The following SLC24A2 variants were observed in gnomAD, a reference collection of about 807,000 sequenced individuals.
The protein encoded by SLC24A2 is sodium/potassium/calcium exchanger 2.
A neutral mutation model predicts 62.0 loss-of-function variants in SLC24A2; 36 were observed. The observed-to-expected ratio is 0.58, with a 90% CI of 0.44 to 0.77. The LOEUF (loss-of-function observed/expected upper bound fraction) is 0.77. Among genes scored for constraint, SLC24A2 ranks in the 30% least tolerant of loss-of-function variants. The probability of loss-of-function intolerance (pLI) is 0.00; values close to 1 mark genes in which losing one functional copy is unlikely to be tolerated. For missense variants in SLC24A2, 846 were observed against 817.9 expected, an observed-to-expected ratio of 1.03 and a Z score of -0.42; for synonymous variants, 358 against 294.0, an observed-to-expected ratio of 1.22 and a Z score of -2.23.
rs190262846 is a variant in SLC24A2 at position 19,629,698 on chromosome 9, C to T, written c.931-7399G>A. Among the ~76,000 whole-genome samples, 54 of 152,302 alleles carry T rather than the reference C, an allele frequency of 3.5e-4. 1 individual carries two copies. The highest frequency in any genetic ancestry group is 1.0e-3 in the African/African-American group (43 of 41,570). Reference sequence around the variant, plus strand: ...GCCCCCCTGGTGGTCCCAGTTATCACTGCGGTCATGAGACATTCTATATTT... The same window carrying T: ...GCCCCCCTGGTGGTCCCAGTTATCATTGCGGTCATGAGACATTCTATATTT... On this transcript the variant is annotated intron_variant, in intron 2 of 10. Coordinates refer to ENST00000341998, the MANE Select transcript of SLC24A2 (RefSeq NM_020344.4).
In SLC24A2 at chr9:19,731,518, T is replaced by TCTCTCC. The variant is rs1554707795; in HGVS notation, c.930+54418_930+54419insGGAGAG. ...TTGTTTCTCTCTCTCTCTCTCTCCG[T>TCTCTCC]GTGTGTGTGTGTGTGTGTGTGTGTG... is the stretch of plus-strand genomic sequence containing the variant. On this transcript the variant is annotated intron_variant, in intron 2 of 10. Coordinates refer to ENST00000341998, the MANE Select transcript of SLC24A2 (RefSeq NM_020344.4). 3.4e-4 allele frequency among the ~76,000 whole-genome samples: 35 copies of TCTCTCC among 102,572 alleles called. No individual in the cohort carries two copies. The South Asian group carries it at 3.5e-3, about 10-fold the overall frequency. 67.3% of individuals were successfully genotyped at this position (102,572 alleles called of 152,430 possible). A position where few individuals can be genotyped will look rare whatever the true frequency, so the allele number is the denominator to read the frequency against.
intron 4 of SLC24A2, among the ~76,000 whole-genome samples, chr9:19,613,381 A>G (rs1817678207): frequency 1.3e-5 from 2 of 152,220 alleles, no homozygotes; most frequent in African/African-American, 4.8e-5. Flanking sequence ...AAGCAGTTCA[A>G]GACCACGCAT....
the SLC24A2 span, among the ~76,000 whole-genome samples, chr9:20,302,221 T>G: frequency 6.6e-6 from 1 of 152,218 alleles, no homozygotes; most frequent in Admixed American, 6.5e-5. Context: ...TGTACAATTT[T>G]CAGCTCCTTT....
the SLC24A2 span, among the ~76,000 whole-genome samples, chr9:19,807,342 C>T: frequency 6.6e-6 from 1 of 152,212 alleles, no homozygotes; most frequent in East Asian, 1.9e-4. Context: ...ATCTTCTAGC[C>T]TTTTCTGTTA....
chr9:20,100,659 A>G, the SLC24A2 span, among the ~76,000 whole-genome samples: 1 of 152,232 alleles, frequency 6.6e-6, no homozygotes, highest in African/African-American at 2.4e-5. Flanking sequence ...ATTCATTAAT[A>G]AATTTTGAAT....
the SLC24A2 span, among the ~76,000 whole-genome samples, chr9:20,027,331 C>T: frequency 6.6e-6 from 1 of 152,076 alleles, no homozygotes; most frequent in African/African-American, 2.4e-5. Flanking sequence ...ATCACTACGT[C>T]AAAAAGATAT....
the SLC24A2 span, among the ~76,000 whole-genome samples, chr9:20,290,436 C>T: frequency 1.3e-5 from 2 of 152,358 alleles, no homozygotes; most frequent in Admixed American, 1.3e-4. Context: ...CTCCCTTGCC[C>T]CTCTTCAGGC....
At chr9:19,990,071 A>G in the SLC24A2 span, among the ~76,000 whole-genome samples, 2 of 152,214 alleles carry the variant, frequency 1.3e-5, no homozygotes, top group African/African-American at 4.8e-5. Flanking sequence ...AAGAATGACT[A>G]AAATTATAAA....
the SLC24A2 span, among the ~76,000 whole-genome samples, chr9:20,043,528 G>C: frequency 1.3e-5 from 2 of 152,172 alleles, no homozygotes; most frequent in African/African-American, 4.8e-5. Flanking sequence ...TTCATACCAG[G>C]AGATCAAAAC....
chr9:20,304,246 T>G, the SLC24A2 span, among the ~76,000 whole-genome samples: 1 of 152,100 alleles, frequency 6.6e-6, no homozygotes, highest in East Asian at 1.9e-4. Flanking sequence ...TGTCCCTCAC[T>G]GCCAACCCAC....
the SLC24A2 span, among the ~76,000 whole-genome samples, chr9:19,904,572 T>C: frequency 6.6e-6 from 1 of 152,236 alleles, no homozygotes; most frequent in Non-Finnish European, 1.5e-5. Context: ...CTATAAGACC[T>C]GCCATAAAAT....
the SLC24A2 span, among the ~76,000 whole-genome samples, chr9:20,057,352 C>T: frequency 2.0e-5 from 3 of 152,164 alleles, no homozygotes; most frequent in East Asian, 1.9e-4. Context: ...ATGTAAACTA[C>T]GCACTTCTGA....
At chr9:20,079,236 C>T in the SLC24A2 span, among the ~76,000 whole-genome samples, 3 of 152,240 alleles carry the variant, frequency 2.0e-5, no homozygotes, top group East Asian at 1.9e-4. Context: ...TTTGGACTTC[C>T]GGCCTTCAGA....
chr9:20,036,833 T>C, the SLC24A2 span, among the ~76,000 whole-genome samples: 1 of 151,958 alleles, frequency 6.6e-6, no homozygotes, highest in Admixed American at 6.6e-5. Flanking sequence ...CACACATATA[T>C]ATGTGTATAT....
chr9:20,192,515 G>A, the SLC24A2 span, among the ~76,000 whole-genome samples: 1 of 152,132 alleles, frequency 6.6e-6, no homozygotes, highest in Non-Finnish European at 1.5e-5. Flanking sequence ...TAGAAATGCA[G>A]ATTCCTAGAG....
At chr9:20,221,206 G>C in the SLC24A2 span, among the ~76,000 whole-genome samples, 2 of 152,054 alleles carry the variant, frequency 1.3e-5, no homozygotes, top group Admixed American at 1.3e-4. Context: ...TGGAGTGTCA[G>C]GGTGGGGGGT....
chr9:19,788,866 C>A lies in SLC24A2; in HGVS notation c.-154+19G>T, dbSNP rs937626821. The A allele has an allele frequency of 2.0e-6, 2 of 985,250 alleles. No homozygotes were observed. The highest frequency in any genetic ancestry group is 2.4e-6 in the Non-Finnish European group (2 of 829,874). The allele number at this position is 985,250 out of a possible 1,614,324, so 61.0% of individuals were successfully genotyped here. A position where few individuals can be genotyped will look rare whatever the true frequency, so the allele number is the denominator to read the frequency against. On this transcript the variant is annotated intron_variant, in intron 1 of 10. Coordinates refer to ENST00000341998, the MANE Select transcript of SLC24A2 (RefSeq NM_020344.4). ...ACAGCGGCTACAGCGGCAGGCGGGGCGCAGCCGCCCGCACTTACCAGGATA... is the reference window on the plus strand; with the variant it reads ...ACAGCGGCTACAGCGGCAGGCGGGGAGCAGCCGCCCGCACTTACCAGGATA...
At chr9:19,888,657 G>C in the SLC24A2 span, among the ~76,000 whole-genome samples, 1 of 152,094 alleles carries the variant, frequency 6.6e-6, no homozygotes, top group Non-Finnish European at 1.5e-5. Context: ...TACTGATCTT[G>C]GTTTTACCGC....
chr9:20,099,807 G>A, the SLC24A2 span, among the ~76,000 whole-genome samples: 1 of 152,066 alleles, frequency 6.6e-6, no homozygotes, highest in Admixed American at 6.6e-5. Context: ...CAATACATAA[G>A]GCCTTGGTAA....
Sources: allele counts gnomAD v4.1 joint callset (sites outside exome capture counted in the v4.1 genomes callset), GRCh38; gene constraint gnomAD v4.1.1; transcripts MANE v1.5; gene names NCBI Gene and HGNC (gene_info 2026-07-23, HGNC 2026-07-21).